G6PC2: variants seen among roughly 807,000 people sequenced by gnomAD.
G6PC2 encodes the protein glucose-6-phosphatase 2.
Under a neutral mutation model 35.4 loss-of-function variants are expected in G6PC2, and 41 were observed. The ratio of observed to expected loss-of-function variants is 1.16; its 90% confidence interval spans 0.90 to 1.50. The LOEUF (loss-of-function observed/expected upper bound fraction) is 1.50, where lower values mean the gene tolerates loss of function less well. G6PC2 is among the 40% of genes most tolerant of loss of function. The pLI is 0.00. For missense variants in G6PC2, 441 were observed against 426.5 expected (o/e 1.03, Z -0.30); for synonymous variants, 165 against 153.2 (o/e 1.08, Z -0.57).
rs746746462 is a variant in G6PC2, at chr2:168,908,066, AG to A, written c.1056del (p.Lys353ArgfsTer23). 3.5e-5 allele frequency: 56 copies of A among 1,613,226 alleles called. No homozygotes were observed. The highest frequency in any genetic ancestry group is 4.4e-5 in the Non-Finnish European group (52 of 1,179,638). On this transcript the variant is annotated frameshift_variant, in exon 5 of 5. Transcript: ENST00000375363. LOFTEE classifies it high-confidence loss of function. The stretch of plus-strand genomic sequence containing the variant: ...CATATGTTAATGAAACAAAGCGGAA[AG>A]AAGAGTCAGTAGAGTGGTGCCTAGA... ...SVHMLMKQSG[K>X]KSQ
At chr2:168,906,278 A>G (rs1395288929) in intron 3 of G6PC2, among the ~76,000 whole-genome samples, 1 of 152,142 alleles carries the variant, frequency 6.6e-6, no homozygotes, top group Non-Finnish European at 1.5e-5. Context: ...GGAGGCACAT[A>G]GGGCAGGGCG....
intron 4 of G6PC2, 120 bp from the exon 5 acceptor site, chr2:168,907,448 C>T: frequency 9.9e-7 from 1 of 1,007,256 alleles, no homozygotes; most frequent in Admixed American, 1.7e-5. Flanking sequence ...ATGGATAGAA[C>T]CTCTGTGTCT....
In G6PC2 at chr2:168,901,354, G is replaced by A. The variant is rs368382511; in HGVS notation, c.23G>A (p.Gly8Glu). The change falls in exon 1 of 5, where the codon GGA (glycine) becomes GAA (glutamate). Residue 8 changes from glycine to glutamate, a missense_variant. Physicochemically the swap from Gly to Glu is moderately conservative, Grantham distance 98 (BLOSUM62 -2). Transcript: ENST00000375363. MDFLHRNGVLIIQHLQKD... is the reference protein window; with the variant it reads MDFLHRNEVLIIQHLQKD... Reference sequence around the variant, plus strand: ...AAGATGGATTTCCTTCACAGGAATGGAGTGCTCATAATTCAGCATTTGCAG... The same window carrying A: ...AAGATGGATTTCCTTCACAGGAATGAAGTGCTCATAATTCAGCATTTGCAG... 1.3e-6 allele frequency: 2 copies of A among 1,594,170 alleles called. No homozygotes were observed. Among genetic ancestry groups the A allele is most frequent in the African/African-American group, 2.7e-5 (2 of 74,542 alleles).
intron 2 of G6PC2, 137 bp downstream of exon 2, chr2:168,902,691 A>G (rs904214348): frequency 8.8e-5 from 59 of 669,492 alleles, no homozygotes; most frequent in Non-Finnish European, 1.5e-4. Flanking sequence ...ACTTCATAAC[A>G]ATCAAAATTA....
rs759395903 is a variant in G6PC2, at chr2:168,904,596, G to A, written c.420G>A (p.Lys140=). 1.9e-6 allele frequency: 3 copies of A among 1,595,820 alleles called. No individual in the cohort carries two copies. The highest frequency in any genetic ancestry group is 1.3e-5 in the African/African-American group (1 of 74,584). ...GCCACACTGTCTGTGGGATGGATAAGTTCTCTATCACTCTGCACAGGTCAG... is the reference window on the plus strand; with the variant it reads ...GCCACACTGTCTGTGGGATGGATAAATTCTCTATCACTCTGCACAGGTCAG... ...ALSHTVCGMD[K]FSITLHRLTW... The change falls in exon 3 of 5, where the codon AAG becomes AAA. Residue 140 remains lysine, a synonymous_variant. Coordinates refer to ENST00000375363, the MANE Select transcript of G6PC2 (RefSeq NM_021176.3).
chr2:168,904,635 T>A lies in G6PC2; in HGVS notation c.440+19T>A. The stretch of plus-strand genomic sequence containing the variant: ...TGCACAGGTCAGCTTTGCTGCAGTT[T>A]CTGTAGCACTGGAATATGACAGTTT... On this transcript the variant is annotated intron_variant, in intron 3 of 4. Transcript: ENST00000375363. 7.3e-6 allele frequency: 9 copies of A among 1,231,448 alleles called. No homozygotes were observed. Among genetic ancestry groups the A allele is most frequent in the Non-Finnish European group, 1.1e-5 (9 of 830,260 alleles). The allele number at this position is 1,231,448 out of a possible 1,614,324, so 76.3% of individuals were successfully genotyped here.
rs757449691 is a variant in G6PC2 at position 168,904,545 on chromosome 2, G to A, written c.369G>A (p.Trp123Ter). 5.6e-6 allele frequency: 9 copies of A among 1,612,604 alleles called. No individual in the cohort carries two copies. The Admixed American group carries it at 1.3e-4, about 24-fold the overall frequency. ...ATGCAATGGGCGCATCCTGTGTCTGGTATGTCATGGTAACCGCTGCCCTGA... is the reference window on the plus strand; with the variant it reads ...ATGCAATGGGCGCATCCTGTGTCTGATATGTCATGGTAACCGCTGCCCTGA... Reference protein sequence around the residue: ...SGHAMGASCVWYVMVTAALSH... With the variant: ...SGHAMGASCV The change falls in exon 3 of 5, where the codon TGG becomes TGA. Residue 123 changes from tryptophan to a stop codon, truncating the protein, a stop_gained. Coordinates refer to ENST00000375363, the MANE Select transcript of G6PC2 (RefSeq NM_021176.3). LOFTEE classifies it high-confidence loss of function.
At chr2:168,906,289 T>C (rs1690709551) in intron 3 of G6PC2, among the ~76,000 whole-genome samples, 2 of 152,116 alleles carry the variant, frequency 1.3e-5, no homozygotes, top group Non-Finnish European at 2.9e-5. Flanking sequence ...GGGCAGGGCG[T>C]GAAAATATAT....
intron 2 of G6PC2, 64 bp from the exon 3 acceptor site, chr2:168,904,441 A>G (rs1256599839): frequency 4.8e-6 from 4 of 837,848 alleles, no homozygotes; most frequent in South Asian, 1.3e-5. Flanking sequence ...ATGCTATTCT[A>G]TTATTCATTT....
In G6PC2 at chr2:168,902,510, G is replaced by C. The variant is rs748184682; in HGVS notation, c.284G>C (p.Ser95Thr). The C allele has an allele frequency of 6.3e-7, 1 of 1,586,140 alleles. No individual in the cohort carries two copies. Among genetic ancestry groups the C allele is most frequent in the African/African-American group, 1.3e-5 (1 of 74,354 alleles). The change falls in exon 2 of 5, where the codon AGT (serine) becomes ACT (threonine). Residue 95 changes from serine (S) to threonine (T), a missense_variant. Ser to Thr is a moderately conservative substitution (Grantham distance 58, BLOSUM62 1). Transcript: ENST00000375363. ...ACTCAGATTTACCCAAATCACTCAA[G>C]TCCATGCCTTGAACAGTTCCCTACT... ...QETQIYPNHS[S>T]PCLEQFPTTC...
chr2:168,904,427 G>T (rs140900179), intron 2 of G6PC2, 78 bp from the exon 3 acceptor site: 26 of 808,296 alleles, frequency 3.2e-5, no homozygotes, highest in Non-Finnish European at 5.2e-5. Flanking sequence ...TTTTCATGGG[G>T]AATATGCTAT....
rs879675098 is a variant in G6PC2 at position 168,909,104 on chromosome 2, C to A, written c.*1025C>A. ...ATTCTATGATGACTGCCATATAAAT[C>A]AGCTACCTTTTCAGAAATGACATTG... On this transcript the variant is annotated 3_prime_UTR_variant, in exon 5 of 5. Transcript: ENST00000375363. 1.3e-5 allele frequency: 2 copies of A among 152,142 alleles called. No individual in the cohort carries two copies. Among genetic ancestry groups the A allele is most frequent in the Admixed American group, 1.3e-4 (2 of 15,282 alleles). The allele number at this position is 152,142 out of a possible 1,614,324, so 9.4% of individuals were successfully genotyped here. A position where few individuals can be genotyped will look rare whatever the true frequency, so the allele number is the denominator to read the frequency against.
At chr2:168,904,205 AG>A (rs1017925163) in intron 2 of G6PC2, among the ~76,000 whole-genome samples, 6 of 152,134 alleles carry the variant, frequency 3.9e-5, no homozygotes, top group African/African-American at 7.2e-5. Context: ...AAGAATGAGT[AG>A]GGCTGTGGCA....
chr2:168,906,051 C>CCCTGTTCTCTA (rs1283397055), intron 3 of G6PC2, among the ~76,000 whole-genome samples: 1 of 144,402 alleles, frequency 6.9e-6, no homozygotes, highest in Non-Finnish European at 1.5e-5. Context: ...AGGTCAATTC[C>CCCTGTTCTCTA]CCTGTTCTCT....
chr2:168,903,949 A>G (rs569137607), intron 2 of G6PC2, among the ~76,000 whole-genome samples: 1 of 152,294 alleles, frequency 6.6e-6, no homozygotes, highest in Admixed American at 6.5e-5. Flanking sequence ...AGATAGGCAT[A>G]GAAGTAGCTG....
At position 168,901,447 on chromosome 2, in the gene G6PC2, T is replaced by A; in HGVS notation, c.116T>A (p.Phe39Tyr). 3 of 1,596,590 alleles carry A rather than the reference T, an allele frequency of 1.9e-6. No individual in the cohort carries two copies. The highest frequency in any genetic ancestry group is 2.6e-6 in the Non-Finnish European group (3 of 1,163,970). The change falls in exon 1 of 5, where the codon TTT becomes TAT. Residue 39 changes from phenylalanine (F) to tyrosine (Y), a missense_variant. Physicochemically the swap from Phe to Tyr is conservative, Grantham distance 22. Coordinates refer to ENST00000375363, the MANE Select transcript of G6PC2 (RefSeq NM_021176.3). ...MSNVGDPRNI[F>Y]FIYFPLCFQF... ...AATGTTGGAGACCCCAGGAATATCT[T>A]TTTCATTTATTTTCCACTTTGTTTT... is the stretch of plus-strand genomic sequence containing the variant.
chr2:168,906,855 C>A (rs1690724393), intron 4 of G6PC2, 76 bp downstream of exon 4: 1 of 829,154 alleles, frequency 1.2e-6, no homozygotes, highest in Non-Finnish European at 2.1e-6. Flanking sequence ...ATCAGATTGT[C>A]CCCGGTAATC....
chr2:168,903,254 A>G (rs1222351989), intron 2 of G6PC2, among the ~76,000 whole-genome samples: 1 of 152,216 alleles, frequency 6.6e-6, no homozygotes, highest in African/African-American at 2.4e-5. Flanking sequence ...ATCATTTTAC[A>G]TAGCATAACA....
At chr2:168,904,670 A>G (rs1690670206) in intron 3 of G6PC2, 54 bp downstream of exon 3, 5 of 947,796 alleles carry the variant, frequency 5.3e-6, no homozygotes, top group Non-Finnish European at 7.0e-6. Flanking sequence ...TTTAATACAG[A>G]AAGTCTTGTC....
Sources: allele counts gnomAD v4.1 joint callset (sites outside exome capture counted in the v4.1 genomes callset), GRCh38; gene constraint gnomAD v4.1.1; transcripts MANE v1.5; gene names NCBI Gene and HGNC (gene_info 2026-07-23, HGNC 2026-07-21).